Variants in PCDHGB2 observed in about 807,000 individuals in gnomAD.
PCDHGB2 encodes the protein protocadherin gamma subfamily B, 2, also known as protocadherin gamma-B2.
In PCDHGB2, 55 loss-of-function variants were observed where a neutral mutation model predicts 59.3. The ratio of observed to expected loss-of-function variants is 0.93; its 90% CI spans 0.75 to 1.16. PCDHGB2 has a LOEUF of 1.16. Ranked by LOEUF, PCDHGB2 falls within the 50% of genes most tolerant of loss-of-function variation. The pLI is 0.00. For missense variants in PCDHGB2, 1,228 were observed against 1,198.5 expected (o/e 1.02, Z -0.36); for synonymous variants, 516 against 512.0 (o/e 1.01, Z -0.11).
intron 1 of PCDHGB2, chr5:141,426,709 A>G (rs1259104705): frequency 6.8e-6 from 3 of 443,800 alleles, no homozygotes; most frequent in South Asian, 3.1e-5. Flanking sequence ...TTACAAATCA[A>G]TGAACTAGCA....
intron 1 of PCDHGB2, chr5:141,374,698 A>G: frequency 6.2e-7 from 1 of 1,609,364 alleles, no homozygotes; most frequent in Non-Finnish European, 8.5e-7. Context: ...GGGAAGGAGA[A>G]GCCGTTTACC....
intron 1 of PCDHGB2, chr5:141,442,120 C>G (rs766641164): frequency 6.0e-6 from 1 of 165,340 alleles, no homozygotes; most frequent in Admixed American, 6.5e-5. Flanking sequence ...CCCTCGTCGC[C>G]GACAGCCTGC....
intron 1 of PCDHGB2, chr5:141,424,584 C>T (rs919265310): frequency 3.9e-5 from 6 of 152,082 alleles, no homozygotes; most frequent in African/African-American, 1.4e-4. Flanking sequence ...TTCAAATGTG[C>T]TAAAGATGTC....
intron 1 of PCDHGB2, chr5:141,384,288 G>C: frequency 6.2e-7 from 1 of 1,613,784 alleles, no homozygotes; most frequent in South Asian, 1.1e-5. Flanking sequence ...ACATCGCTGA[G>C]AACAACCCCA....
intron 1 of PCDHGB2, chr5:141,377,576 A>G (rs1241799520): frequency 1.3e-5 from 2 of 151,642 alleles, no homozygotes; most frequent in African/African-American, 2.4e-5. Context: ...AGCCTGGGAG[A>G]CAGAATGAGA....
chr5:141,423,802 C>A, intron 1 of PCDHGB2: 3 of 1,254,704 alleles, frequency 2.4e-6, no homozygotes, highest in South Asian at 2.9e-5. Context: ...TAGAGCAATA[C>A]ATGTGAGTTT....
chr5:141,390,332 A>T, intron 1 of PCDHGB2: 1 of 1,600,116 alleles, frequency 6.2e-7, no homozygotes, highest in Non-Finnish European at 8.5e-7. Flanking sequence ...CCATTTCTCC[A>T]TATTCACAAG....
intron 1 of PCDHGB2, chr5:141,423,309 G>T (rs1401836240): frequency 6.2e-7 from 1 of 1,614,176 alleles, no homozygotes; most frequent in South Asian, 1.1e-5. Context: ...CGCTGTACTT[G>T]GTGGTGGCGG....
At chr5:141,509,327 G>A (rs2099876237) in intron 3 of PCDHGB2, among the ~76,000 whole-genome samples, 1 of 152,188 alleles carries the variant, frequency 6.6e-6, no homozygotes, top group African/African-American at 2.4e-5. Flanking sequence ...AAGCTCTACT[G>A]CCAGCTGGGC....
chr5:141,489,061 C>A lies in PCDHGB2; in HGVS notation c.2422-5746C>A. On this transcript the variant is annotated intron_variant, in intron 1 of 3. Coordinates refer to ENST00000522605, the MANE Select transcript of PCDHGB2 (RefSeq NM_018923.3). This position sits in a 1 kb window ranked among gnomAD's most constrained non-coding sequence, Gnocchi z 4.5. ...AGCTCCACTCAAATTCAGCTCCCCT[C>A]CCCCCTGCCCACCCCCGCCACTCGG... 5 of 347,080 alleles carry A rather than the reference C, an allele frequency of 1.4e-5. No individual in the cohort carries two copies. The highest frequency in any genetic ancestry group is 2.2e-5 in the African/African-American group (1 of 46,422). 21.5% of individuals were successfully genotyped at this position (347,080 alleles called of 1,614,324 possible). A position where few individuals can be genotyped will look rare whatever the true frequency, so the allele number is the denominator to read the frequency against.
intron 1 of PCDHGB2, chr5:141,382,797 G>A: frequency 5.0e-6 from 5 of 999,472 alleles, no homozygotes; most frequent in Non-Finnish European, 5.9e-6. Context: ...TATCCTGCTG[G>A]ATTCTGAGCT....
In PCDHGB2 at chr5:141,392,739, A is replaced by G. The variant is rs1024855569; in HGVS notation, c.2421+30183A>G. On this transcript the variant is annotated intron_variant, in intron 1 of 3. Transcript: ENST00000522605. ...GTTTCCGGAGGATTGTCATCTCCAT[A>G]GCTGCGGCAAGAAACTAAATAAGAC... The G allele has an allele frequency of 2.1e-5, 30 of 1,432,662 alleles. No individual in the cohort carries two copies. The African/African-American group carries it at 4.2e-4, about 20-fold the overall frequency. 88.7% of individuals were successfully genotyped at this position (1,432,662 alleles called of 1,614,324 possible).
At position 141,487,791 on chromosome 5, in the gene PCDHGB2, C is replaced by T; in HGVS notation, c.2422-7016C>T. ...CTTTGTAACTGTTTCGTGAATTAAC[C>T]AGAGTTGTCACAGTTTAGCATTGGG... On this transcript the variant is annotated intron_variant, in intron 1 of 3. Coordinates refer to ENST00000522605, the MANE Select transcript of PCDHGB2 (RefSeq NM_018923.3). This position sits in a 1 kb window ranked among gnomAD's most constrained non-coding sequence, Gnocchi z 5.0. 6.6e-7 allele frequency: 1 copy of T among 1,510,152 alleles called. No individual in the cohort carries two copies. The highest frequency in any genetic ancestry group is 1.4e-5 in the African/African-American group (1 of 72,206). The allele number at this position is 1,510,152 out of a possible 1,614,324, so 93.5% of individuals were successfully genotyped here. A position where few individuals can be genotyped will look rare whatever the true frequency, so the allele number is the denominator to read the frequency against.
intron 1 of PCDHGB2, chr5:141,387,783 C>A: frequency 6.8e-7 from 1 of 1,467,932 alleles, no homozygotes; most frequent in Non-Finnish European, 9.1e-7. Context: ...TGAACTGGAA[C>A]TGCAACTAAA....
chr5:141,371,208 G>A (rs926435059), intron 1 of PCDHGB2: 2 of 1,613,802 alleles, frequency 1.2e-6, no homozygotes, highest in Admixed American at 1.7e-5. Flanking sequence ...CATGGATGAG[G>A]GCATCAATGC....
rs1408938686 is a variant in PCDHGB2 at position 141,398,777 on chromosome 5, G to A, written c.2421+36221G>A. On this transcript the variant is annotated intron_variant, in intron 1 of 3. Transcript: ENST00000522605. ...CGTTTAGTCCTGACTGCCTTGGACG[G>A]TGGACATCCACCCCTAAGCGGCACC... is the stretch of plus-strand genomic sequence containing the variant. The A allele has an allele frequency of 3.1e-6, 5 of 1,613,902 alleles. 1 individual carries two copies. The South Asian group carries it at 3.3e-5, about 11-fold the overall frequency.
chr5:141,430,485 G>T (rs926788879), intron 1 of PCDHGB2: 2 of 252,972 alleles, frequency 7.9e-6, no homozygotes, highest in Non-Finnish European at 7.4e-6. Flanking sequence ...ATATAAAAAC[G>T]AAATATCCTT....
intron 1 of PCDHGB2, chr5:141,413,154 A>G: frequency 6.3e-7 from 1 of 1,576,026 alleles, no homozygotes; most frequent in Middle Eastern, 1.7e-4. Context: ...AGGACTTTGC[A>G]GAATTCTGTA....
chr5:141,375,476 A>G, intron 1 of PCDHGB2: 1 of 1,613,926 alleles, frequency 6.2e-7, no homozygotes, highest in Non-Finnish European at 8.5e-7. Context: ...CCTTGAAAAC[A>G]ACCCCAGGGG....
Sources: gnomAD v4.1 joint callset for allele counts (sites outside exome capture counted in the v4.1 genomes callset) on GRCh38, gnomAD v4.1.1 for gene constraint, Gnocchi (gnomAD v3.1) non-coding constraint, MANE v1.5 for transcripts, NCBI Gene and HGNC (gene_info 2026-07-23, HGNC 2026-07-21) for gene names.